GOLGA6L6: variants seen among roughly 807,000 people sequenced by gnomAD.
GOLGA6L6 encodes golgin A6 family like 6 (gene/pseudogene).
In GOLGA6L6, 12 loss-of-function variants were observed where a neutral mutation model predicts 75.6. That is an observed-to-expected ratio of 0.16 (90% CI 0.10 to 0.26). The LOEUF is 0.26. Among genes scored for constraint, GOLGA6L6 ranks in the 10% least tolerant of loss-of-function variants. GOLGA6L6 has a pLI of 1.00. For synonymous variants in GOLGA6L6, 38 were observed against 179.2 expected (o/e 0.21, Z 6.29); for missense variants, 144 against 598.5 (o/e 0.24, Z 7.92).
At position 20,532,539 on chromosome 15, in the gene GOLGA6L6, C is replaced by G. The variant is rs1167532218; in HGVS notation, c.*1064G>C. Reference sequence around the variant, plus strand: ...CATCTCAAAAACAACAAAAAAAGGACAGATGAAGGTTTTCAACTTTCAGTA... The same window carrying G: ...CATCTCAAAAACAACAAAAAAAGGAGAGATGAAGGTTTTCAACTTTCAGTA... On this transcript the variant is annotated 3_prime_UTR_variant, in exon 9 of 9. Transcript: ENST00000619213. 1 of 141,838 alleles carries G rather than the reference C, an allele frequency of 7.1e-6. No individual in the cohort carries two copies. The highest frequency in any genetic ancestry group is 1.5e-5 in the Non-Finnish European group (1 of 64,804). The allele number at this position is 141,838 out of a possible 1,614,324, so 8.8% of individuals were successfully genotyped here.
At position 20,532,110 on chromosome 15, in the gene GOLGA6L6, A is replaced by ATACTCTG. The variant is rs1890227644; in HGVS notation, c.*1486_*1492dup. On this transcript the variant is annotated 3_prime_UTR_variant, in exon 9 of 9. Coordinates refer to ENST00000619213, the MANE Select transcript of GOLGA6L6 (RefSeq NM_001145004.2). ...CAGGAGAACTTTCTGGATGATAGAA[A>ATACTCTG]TACTCTGTATCTTCAAAGGAGGTGG... 1.1e-5 allele frequency: 1 copy of ATACTCTG among 90,898 alleles called. No homozygotes were observed. 5.6% of individuals were successfully genotyped at this position (90,898 alleles called of 1,614,324 possible).
At position 20,539,845 on chromosome 15, in the gene GOLGA6L6, GGTGTC is replaced by G. The variant is rs1890452615; in HGVS notation, c.214_218del (p.Asp72GlnfsTer7). Reference sequence around the variant, plus strand: ...TGCCATTATTTATTTTCTTCTTTTTGGTGTCGCTTGCTGCTGTACCAACACTAGGG... The same window carrying G: ...TGCCATTATTTATTTTCTTCTTTTTGGCTTGCTGCTGTACCAACACTAGGG... On this transcript the variant is annotated frameshift_variant, in exon 2 of 9. Transcript: ENST00000619213. LOFTEE classifies it high-confidence loss of function. 3.5e-6 allele frequency: 1 copy of G among 284,346 alleles called. No homozygotes were observed. Among genetic ancestry groups the G allele is most frequent in the Non-Finnish European group, 6.1e-6 (1 of 165,210 alleles). 17.6% of individuals were successfully genotyped at this position (284,346 alleles called of 1,614,324 possible). A position where few individuals can be genotyped will look rare whatever the true frequency, so the allele number is the denominator to read the frequency against.
Position 20,534,574 on chromosome 15 carries a change from T to G in GOLGA6L6, c.1860A>C (p.Glu620Asp). ...REQEEMTQEQ[E>D]EKMGEQEEKM... is the part of the protein sequence containing the mutation. ...TCTCCTCCTGCTCCCCCATCTTCTC[T>G]TCCTGTTCCTGCGTCATCTCCTCCT... Residue 620 changes from glutamate (E) to aspartate (D), a missense_variant, in exon 8 of 9, where the codon GAA becomes GAC. Glu to Asp is a conservative substitution (Grantham distance 45, BLOSUM62 2). Coordinates refer to ENST00000619213, the MANE Select transcript of GOLGA6L6 (RefSeq NM_001145004.2). 1 of 1,533,490 alleles carries G rather than the reference T, an allele frequency of 6.5e-7. No individual in the cohort carries two copies. Among genetic ancestry groups the G allele is most frequent in the Non-Finnish European group, 8.8e-7 (1 of 1,140,104 alleles). The allele number at this position is 1,533,490 out of a possible 1,614,324, so 95.0% of individuals were successfully genotyped here.
At chr15:20,541,071 A>AG (rs780087174) in intron 1 of GOLGA6L6, among the ~76,000 whole-genome samples, 64 of 14,266 alleles carry the variant, frequency 4.5e-3, no homozygotes, top group Middle Eastern at 0.012. Context: ...GAGACTGGGG[A>AG]GGGGGTCACA....
In GOLGA6L6 at chr15:20,534,923, T is replaced by A; in HGVS notation, c.1511A>T (p.Glu504Val). The part of the protein sequence containing the change: ...REQEEKIREQ[E>V]EKMWRQEEKI... Reference sequence around the variant, plus strand: ...CTCCTCCTGCCTCCACATCTTCTCCTCCTGCTCCCGTATCTTCTCCTCCTG... The same window carrying A: ...CTCCTCCTGCCTCCACATCTTCTCCACCTGCTCCCGTATCTTCTCCTCCTG... Residue 504 changes from glutamate to valine, a missense_variant, in exon 8 of 9, where the codon GAG becomes GTG. Coordinates refer to ENST00000619213, the MANE Select transcript of GOLGA6L6 (RefSeq NM_001145004.2). The A allele has an allele frequency of 6.6e-7, 1 of 1,508,362 alleles. No individual in the cohort carries two copies. Among genetic ancestry groups the A allele is most frequent in the Non-Finnish European group, 8.9e-7 (1 of 1,118,532 alleles). The allele number at this position is 1,508,362 out of a possible 1,614,324, so 93.4% of individuals were successfully genotyped here. A position where few individuals can be genotyped will look rare whatever the true frequency, so the allele number is the denominator to read the frequency against.
Position 20,534,802 on chromosome 15 carries a change from ATCCTCCT to A in GOLGA6L6, c.1625_1631del (p.Gln542LeufsTer45), listed in dbSNP as rs1890311788. The A allele has an allele frequency of 1.5e-6, 1 of 645,242 alleles. No homozygotes were observed. 40.0% of individuals were successfully genotyped at this position (645,242 alleles called of 1,614,324 possible). A position where few individuals can be genotyped will look rare whatever the true frequency, so the allele number is the denominator to read the frequency against. On this transcript the variant is annotated frameshift_variant, in exon 8 of 9. Coordinates refer to ENST00000619213, the MANE Select transcript of GOLGA6L6 (RefSeq NM_001145004.2). LOFTEE classifies it high-confidence loss of function. The stretch of plus-strand genomic sequence containing the variant: ...TCTTCTCCTCCTGCCTCCACATCTT[ATCCTCCT>A]GCTCCTGCCTCTTCTCCTCCTCCCA...
chr15:20,534,440 A>T lies in GOLGA6L6; in HGVS notation c.1994T>A (p.Ile665Lys). 1.4e-6 allele frequency: 2 copies of T among 1,432,864 alleles called. No homozygotes were observed. The highest frequency in any genetic ancestry group is 1.9e-6 in the Non-Finnish European group (2 of 1,074,196). The allele number at this position is 1,432,864 out of a possible 1,614,324, so 88.8% of individuals were successfully genotyped here. A position where few individuals can be genotyped will look rare whatever the true frequency, so the allele number is the denominator to read the frequency against. Residue 665 changes from isoleucine to lysine, a missense_variant, in exon 8 of 9, where the codon ATA (isoleucine) becomes AAA (lysine). Coordinates refer to ENST00000619213, the MANE Select transcript of GOLGA6L6 (RefSeq NM_001145004.2). ...CTGCATCATCTCCTCCTGCTCTCGT[A>T]TCTTCTCCTCCTGCTCCCGTATCTT... ...EKKIREQEEKIREQEEMMQEQ... is the reference protein window; with the variant it reads ...EKKIREQEEKKREQEEMMQEQ...
At chr15:20,534,170 G>A (rs911036195) in intron 8 of GOLGA6L6, 89 bp downstream of exon 8, 30 of 545,096 alleles carry the variant, frequency 5.5e-5, no homozygotes, top group Non-Finnish European at 7.9e-5. Context: ...TGATCTCCAG[G>A]GTTTGCACAC....
intron 5 of GOLGA6L6, among the ~76,000 whole-genome samples, chr15:20,537,686 G>GAA (rs1890400467): frequency 7.0e-6 from 1 of 142,532 alleles, no homozygotes; most frequent in East Asian, 2.0e-4. Flanking sequence ...CCATTCTTCC[G>GAA]CTGGAGGTAG....
Position 20,537,052 on chromosome 15 carries a change from C to CT in GOLGA6L6, c.544-181dup, listed in dbSNP as rs1177066820. ...TTTGTTTTTCTTTCTTTCTTTCTTTCTTTTTTTTTTTTTTTTTTGGCAGAG... is the reference window on the plus strand; with the variant it reads ...TTTGTTTTTCTTTCTTTCTTTCTTTCTTTTTTTTTTTTTTTTTTTGGCAGAG... On this transcript the variant is annotated intron_variant, in intron 5 of 8. Transcript: ENST00000619213. Among the ~76,000 whole-genome samples the CT allele has an allele frequency of 5.0e-3, 163 of 32,510 alleles. 21 individuals carry two copies. The highest frequency in any genetic ancestry group is 0.047 in the East Asian group (50 of 1,054). The allele number at this position is 32,510 out of a possible 152,430, so 21.3% of individuals were successfully genotyped here.
chr15:20,538,744 A>T, intron 2 of GOLGA6L6, 58 bp from the exon 3 acceptor site: 1 of 1,422,854 alleles, frequency 7.0e-7, no homozygotes, highest in Non-Finnish European at 9.6e-7. Context: ...GCACAGCAAG[A>T]GACATGCCCC....
intron 5 of GOLGA6L6, among the ~76,000 whole-genome samples, chr15:20,537,557 T>C (rs1412348037): frequency 3.4e-5 from 5 of 148,354 alleles, no homozygotes; most frequent in East Asian, 1.9e-4. Flanking sequence ...CCATAGGAGA[T>C]GGTTACCATT....
chr15:20,537,048 C>T, intron 5 of GOLGA6L6, among the ~76,000 whole-genome samples, 176 bp from the exon 6 acceptor site: 1 of 40,594 alleles, frequency 2.5e-5, no homozygotes, highest in Non-Finnish European at 4.8e-5. Flanking sequence ...TTCTTTCTTT[C>T]TTTCTTTTTT....
Position 20,532,454 on chromosome 15 carries a change from AG to A in GOLGA6L6, c.*1148del, listed in dbSNP as rs1232463075. On this transcript the variant is annotated 3_prime_UTR_variant, in exon 9 of 9. Coordinates refer to ENST00000619213, the MANE Select transcript of GOLGA6L6 (RefSeq NM_001145004.2). ...AGAATTGCTTGAACCCAGGAGGCAG[AG>A]GTTACAGTGAGCAGAGATCGTGCCA... is the stretch of plus-strand genomic sequence containing the variant. 7.8e-6 allele frequency: 1 copy of A among 127,852 alleles called. No individual in the cohort carries two copies. The highest frequency in any genetic ancestry group is 1.7e-5 in the Non-Finnish European group (1 of 59,574). The allele number at this position is 127,852 out of a possible 1,614,324, so 7.9% of individuals were successfully genotyped here.
At position 20,535,077 on chromosome 15, in the gene GOLGA6L6, A is replaced by C. The variant is rs1270504132; in HGVS notation, c.1357T>G (p.Trp453Gly). 9.3e-7 allele frequency: 1 copy of C among 1,073,512 alleles called. No homozygotes were observed. The highest frequency in any genetic ancestry group is 1.3e-6 in the Non-Finnish European group (1 of 780,184). 66.5% of individuals were successfully genotyped at this position (1,073,512 alleles called of 1,614,324 possible). A position where few individuals can be genotyped will look rare whatever the true frequency, so the allele number is the denominator to read the frequency against. The change falls in exon 8 of 9, where the codon TGG becomes GGG. Residue 453 changes from tryptophan to glycine, a missense_variant. By Grantham distance (184) the Trp-to-Gly change is radical. Transcript: ENST00000619213. ...EEKRQEQEEM[W>G]RQEEKIREQE... ...TCCCTTATCTTCTCCTCCTGCCTCC[A>C]CATCTCCTCCTGCTCCTGCCTCTTC...
Position 20,533,103 on chromosome 15 carries a change from C to T in GOLGA6L6, c.*500G>A, listed in dbSNP as rs1890255878. The T allele has an allele frequency of 3.4e-5, 4 of 117,068 alleles. 1 individual carries two copies. The highest frequency in any genetic ancestry group is 1.3e-4 in the African/African-American group (4 of 29,784). 7.3% of individuals were successfully genotyped at this position (117,068 alleles called of 1,614,324 possible). ...TTACTATGAATGTCAAAAGACAACA[C>T]AAGACTAAATGAGAAAGACCAAGAA... is the stretch of plus-strand genomic sequence containing the variant. On this transcript the variant is annotated 3_prime_UTR_variant, in exon 9 of 9. Transcript: ENST00000619213.
At position 20,532,450 on chromosome 15, in the gene GOLGA6L6, G is replaced by T. The variant is rs1390114973; in HGVS notation, c.*1153C>A. On this transcript the variant is annotated 3_prime_UTR_variant, in exon 9 of 9. Transcript: ENST00000619213. ...CAGGAGAATTGCTTGAACCCAGGAG[G>T]CAGAGGTTACAGTGAGCAGAGATCG... The T allele has an allele frequency of 7.9e-6, 1 of 126,950 alleles. No individual in the cohort carries two copies. Among genetic ancestry groups the T allele is most frequent in the South Asian group, 2.5e-4 (1 of 3,964 alleles). 7.9% of individuals were successfully genotyped at this position (126,950 alleles called of 1,614,324 possible). A position where few individuals can be genotyped will look rare whatever the true frequency, so the allele number is the denominator to read the frequency against.
chr15:20,534,878 T>C lies in GOLGA6L6; in HGVS notation c.1556A>G (p.Glu519Gly). ...RQEEKIREQE[E>G]MWREEEKMHE... The stretch of plus-strand genomic sequence containing the variant: ...CATCTTCTCTTCCTCCCTCCACATC[T>C]CCTCCTGCTCCCGTATCTTCTCCTC... Residue 519 changes from glutamate to glycine, a missense_variant, in exon 8 of 9, where the codon GAG becomes GGG. Glu to Gly is a moderately conservative substitution (Grantham distance 98). Coordinates refer to ENST00000619213, the MANE Select transcript of GOLGA6L6 (RefSeq NM_001145004.2). 7.9e-7 allele frequency: 1 copy of C among 1,265,212 alleles called. No homozygotes were observed. The allele number at this position is 1,265,212 out of a possible 1,614,324, so 78.4% of individuals were successfully genotyped here. A position where few individuals can be genotyped will look rare whatever the true frequency, so the allele number is the denominator to read the frequency against.
rs757361847 is a variant in GOLGA6L6, at chr15:20,538,637, T to A, written c.341A>T (p.Glu114Val). Residue 114 changes from glutamate (E) to valine (V), a missense_variant and splice_region_variant, in exon 3 of 9, where the codon GAG (glutamate) becomes GTG (valine). Physicochemically the swap from Glu to Val is moderately radical, Grantham distance 121. Transcript: ENST00000619213. ...QHQEALRREL[E>V]AQVHTIRILT... ...GGGAACTTCACACCCTCCACTCACCTCTAGCTCCCTCCTTAGGGCTTCCTG... is the reference window on the plus strand; with the variant it reads ...GGGAACTTCACACCCTCCACTCACCACTAGCTCCCTCCTTAGGGCTTCCTG... 68 of 1,057,006 alleles carry A rather than the reference T, an allele frequency of 6.4e-5. 19 individuals carry two copies. The highest frequency in any genetic ancestry group is 8.2e-5 in the Non-Finnish European group (61 of 739,746). The allele number at this position is 1,057,006 out of a possible 1,614,324, so 65.5% of individuals were successfully genotyped here.
Sources: allele counts gnomAD v4.1 joint callset (sites outside exome capture counted in the v4.1 genomes callset), GRCh38; gene constraint gnomAD v4.1.1; transcripts MANE v1.5; gene names NCBI Gene and HGNC (gene_info 2026-07-23, HGNC 2026-07-21).